ZNF438: variants seen among roughly 807,000 people sequenced by gnomAD.
The protein encoded by ZNF438 is zinc finger protein 438.
Under a neutral mutation model 38.0 loss-of-function variants are expected in ZNF438, and 25 were observed. The ratio of observed to expected loss-of-function variants is 0.66; its 90% confidence interval spans 0.48 to 0.92. The LOEUF (loss-of-function observed/expected upper bound fraction) is 0.92, where lower values mean the gene tolerates loss of function less well. Ranked by LOEUF, ZNF438 falls within the 40% of genes least tolerant of loss-of-function variation. ZNF438 has a pLI of 0.00. For synonymous variants in ZNF438, 372 were observed against 364.1 expected, an observed-to-expected ratio of 1.02 and a Z score of -0.25; for missense variants, 1,007 against 999.6, an observed-to-expected ratio of 1.01 and a Z score of -0.10.
intron 4 of ZNF438, among the ~76,000 whole-genome samples, chr10:30,863,805 C>T (rs1258455719): frequency 6.6e-6 from 1 of 152,232 alleles, no homozygotes; most frequent in Admixed American, 6.5e-5. Context: ...CCCTTGCTGT[C>T]TTCCTACAGA....
intron 1 of ZNF438, among the ~76,000 whole-genome samples, chr10:31,009,332 A>G (rs1215654743): frequency 6.6e-6 from 1 of 152,240 alleles, no homozygotes; most frequent in Non-Finnish European, 1.5e-5. Context: ...GAAAACGTAC[A>G]GCTGTGCCTC....
At chr10:30,906,118 T>A (rs1275339411) in intron 3 of ZNF438, among the ~76,000 whole-genome samples, 1 of 152,240 alleles carries the variant, frequency 6.6e-6, no homozygotes, top group Non-Finnish European at 1.5e-5. Context: ...GAAATTTTCA[T>A]AGAGACTGCA....
chr10:30,993,226 C>T (rs2053686273), intron 1 of ZNF438, among the ~76,000 whole-genome samples: 1 of 152,192 alleles, frequency 6.6e-6, no homozygotes, highest in African/African-American at 2.4e-5. Context: ...GAGAAAGACT[C>T]CAAAAGGCAT....
In ZNF438 at chr10:30,945,685, G is replaced by A. The variant is rs575358797; in HGVS notation, c.-191-4034C>T. ...TTTTGTTCTTGCGACAGTTTACTGA[G>A]AATGATGATTTCCAATTTCATCCAT... On this transcript the variant is annotated intron_variant, in intron 1 of 5. Transcript: ENST00000413025. Among the ~76,000 whole-genome samples, 17 of 136,212 alleles carry A rather than the reference G, an allele frequency of 1.2e-4. No homozygotes were observed. In the South Asian group the frequency reaches 3.0e-3, roughly 24 times the overall value. The allele number at this position is 136,212 out of a possible 152,430, so 89.4% of individuals were successfully genotyped here.
chr10:30,873,907 A>C (rs1408976397), intron 4 of ZNF438, among the ~76,000 whole-genome samples: 1 of 152,084 alleles, frequency 6.6e-6, no homozygotes. Flanking sequence ...AATGCATATA[A>C]TACGTGTGTA....
intron 4 of ZNF438, chr10:30,875,418 G>A (rs928017749): frequency 1.9e-5 from 19 of 977,984 alleles, no homozygotes; most frequent in Non-Finnish European, 2.3e-5. Flanking sequence ...TTTGCCTGGG[G>A]TTCCACAGCT....
At chr10:30,897,098 T>C (rs2041447497) in intron 3 of ZNF438, among the ~76,000 whole-genome samples, 1 of 152,224 alleles carries the variant, frequency 6.6e-6, no homozygotes, top group South Asian at 2.1e-4. Context: ...AAGAATGACA[T>C]ATTCTTTTTG....
chr10:30,940,197 C>A (rs1305569328), intron 2 of ZNF438, among the ~76,000 whole-genome samples: 1 of 152,132 alleles, frequency 6.6e-6, no homozygotes, highest in Non-Finnish European at 1.5e-5. Flanking sequence ...ATTTACTAAG[C>A]ACTATTAAAG....
chr10:30,989,964 A>C (rs1411705536), intron 1 of ZNF438, among the ~76,000 whole-genome samples: 1 of 152,218 alleles, frequency 6.6e-6, no homozygotes, highest in Non-Finnish European at 1.5e-5. Context: ...CCCCTTAAAC[A>C]GTAGGGCTTC....
At chr10:30,943,412 C>T (rs2047028581) in intron 1 of ZNF438, among the ~76,000 whole-genome samples, 1 of 151,612 alleles carries the variant, frequency 6.6e-6, no homozygotes, top group Non-Finnish European at 1.5e-5. Context: ...GAAGAGAAAG[C>T]ATATGAATGG....
intron 1 of ZNF438, among the ~76,000 whole-genome samples, chr10:30,981,570 A>T (rs560510964): frequency 6.6e-6 from 1 of 152,242 alleles, no homozygotes; most frequent in East Asian, 1.9e-4. Context: ...ATGTAAGTAA[A>T]GTGCCTGGTA....
chr10:30,940,884 T>C (rs972546006), intron 2 of ZNF438, among the ~76,000 whole-genome samples: 4 of 152,048 alleles, frequency 2.6e-5, no homozygotes, highest in African/African-American at 9.7e-5. Flanking sequence ...TAAGAACATA[T>C]AAATAACTTA....
intron 4 of ZNF438, among the ~76,000 whole-genome samples, chr10:30,870,069 C>T (rs1054660865): frequency 8.5e-5 from 13 of 152,176 alleles, no homozygotes; most frequent in African/African-American, 2.9e-4. Context: ...TTATAATGCA[C>T]AAAGTCATTT....
At position 30,855,579 on chromosome 10, in the gene ZNF438, T is replaced by C. The variant is rs561785346; in HGVS notation, c.38-5212A>G. Among the ~76,000 whole-genome samples the C allele has an allele frequency of 1.4e-4, 21 of 152,220 alleles. No individual in the cohort carries two copies. In the East Asian group the frequency reaches 2.3e-3, roughly 17 times the overall value. On this transcript the variant is annotated intron_variant, in intron 4 of 5. Coordinates refer to ENST00000413025, the Ensembl canonical transcript of ZNF438. ...ATAAATAACTAAACCAATGTGTTAG[T>C]AGAAATGCAAGGCAGGAGAAAGACA...
intron 1 of ZNF438, among the ~76,000 whole-genome samples, chr10:30,977,631 G>A (rs926497696): frequency 6.6e-6 from 1 of 152,168 alleles, no homozygotes; most frequent in Non-Finnish European, 1.5e-5. Context: ...GAGAAGCACA[G>A]TTTCTAGATA....
intron 1 of ZNF438, among the ~76,000 whole-genome samples, chr10:31,012,290 A>AT (rs1457290621): frequency 6.6e-6 from 1 of 151,446 alleles, no homozygotes; most frequent in African/African-American, 2.4e-5. Context: ...CGCCCGGCTA[A>AT]TTTTTTGTAT....
intron 1 of ZNF438, among the ~76,000 whole-genome samples, chr10:30,982,521 G>A (rs1217877074): frequency 9.2e-5 from 14 of 151,998 alleles, no homozygotes; most frequent in Non-Finnish European, 1.9e-4. Flanking sequence ...ACCAATTCTG[G>A]CTAAAGACTA....
At chr10:30,881,094 T>C (rs780871257) in intron 3 of ZNF438, among the ~76,000 whole-genome samples, 1 of 152,212 alleles carries the variant, frequency 6.6e-6, no homozygotes, top group Non-Finnish European at 1.5e-5. Flanking sequence ...AGGATATCTA[T>C]TCTCACCACT....
At chr10:30,943,521 T>A (rs537716688) in intron 1 of ZNF438, among the ~76,000 whole-genome samples, 8 of 152,148 alleles carry the variant, frequency 5.3e-5, no homozygotes, top group Non-Finnish European at 1.2e-4. Context: ...TTGGAACAAT[T>A]CTGGTTGGCA....
Sources: allele counts gnomAD v4.1 joint callset (sites outside exome capture counted in the v4.1 genomes callset), GRCh38; gene constraint gnomAD v4.1.1; transcripts MANE v1.5; gene names NCBI Gene and HGNC (gene_info 2026-07-23, HGNC 2026-07-21).